The following DELE1 variants were observed in gnomAD, a reference collection of about 807,000 sequenced individuals.
DELE1 encodes death ligand signal enhancer.
Under a neutral mutation model 59.3 loss-of-function variants are expected in DELE1, and 54 were observed. That is an observed-to-expected ratio of 0.91 (90% CI 0.73 to 1.14). The LOEUF (loss-of-function observed/expected upper bound fraction) is 1.14, where lower values mean the gene tolerates loss of function less well. DELE1 is among the 50% of genes most tolerant of loss of function. The pLI, the probability that DELE1 is intolerant of heterozygous loss-of-function variation, is 0.00. For missense variants in DELE1, 636 were observed against 643.9 expected, an observed-to-expected ratio of 0.99 and a Z score of 0.13; for synonymous variants, 264 against 259.1, an observed-to-expected ratio of 1.02 and a Z score of -0.18.
chr5:141,939,049 AC>A lies in DELE1; in HGVS notation c.*292del. 1.7e-6 allele frequency: 2 copies of A among 1,168,632 alleles called. No individual in the cohort carries two copies. The highest frequency in any genetic ancestry group is 2.1e-6 in the Non-Finnish European group (2 of 945,022). 72.4% of individuals were successfully genotyped at this position (1,168,632 alleles called of 1,614,324 possible). On this transcript the variant is annotated 3_prime_UTR_variant, in exon 12 of 12. Coordinates refer to ENST00000432126, the MANE Select transcript of DELE1 (RefSeq NM_014773.5). ...GAAGGGTCCAGAGACCCTGGTGCTC[AC>A]CTTAGCCTTTGTCTTTGAGCAAATA...
rs2126903346 is a variant in DELE1 at position 141,939,009 on chromosome 5, A to G, written c.*250A>G. On this transcript the variant is annotated 3_prime_UTR_variant, in exon 12 of 12. Transcript: ENST00000432126. ...CACCAAAGGATGCATTCAGTGACCT[A>G]TGAAAAACCCTACTGAAGGGTCCAG... The G allele has an allele frequency of 2.3e-6, 3 of 1,319,108 alleles. No individual in the cohort carries two copies. The highest frequency in any genetic ancestry group is 3.5e-5 in the South Asian group (2 of 56,484). The allele number at this position is 1,319,108 out of a possible 1,614,324, so 81.7% of individuals were successfully genotyped here. A position where few individuals can be genotyped will look rare whatever the true frequency, so the allele number is the denominator to read the frequency against.
chr5:141,939,673 C>T lies in DELE1; in HGVS notation c.*914C>T. The stretch of plus-strand genomic sequence containing the variant: ...TTCCCCCAAATCTTAAGCACCTGCG[C>T]CAGTACAGTCAAGAAGAGGAAAGTG... On this transcript the variant is annotated 3_prime_UTR_variant, in exon 12 of 12. Coordinates refer to ENST00000432126, the MANE Select transcript of DELE1 (RefSeq NM_014773.5). 1.0e-6 allele frequency: 1 copy of T among 985,906 alleles called. No homozygotes were observed. The highest frequency in any genetic ancestry group is 1.2e-6 in the Non-Finnish European group (1 of 829,972). The allele number at this position is 985,906 out of a possible 1,614,324, so 61.1% of individuals were successfully genotyped here. A position where few individuals can be genotyped will look rare whatever the true frequency, so the allele number is the denominator to read the frequency against.
At position 141,941,749 on chromosome 5, in the gene DELE1, A is replaced by G. The variant is rs773318176; in HGVS notation, c.*2990A>G. 42 of 985,252 alleles carry G rather than the reference A, an allele frequency of 4.3e-5. No individual in the cohort carries two copies. The highest frequency in any genetic ancestry group is 4.9e-5 in the Non-Finnish European group (41 of 829,928). 61.0% of individuals were successfully genotyped at this position (985,252 alleles called of 1,614,324 possible). On this transcript the variant is annotated 3_prime_UTR_variant, in exon 12 of 12. Transcript: ENST00000432126. ...TGGGAACAAGGCTATTTGGTTTACT[A>G]TATCATTAGTGCTAATATAGTGTGG...
At position 141,941,610 on chromosome 5, in the gene DELE1, T is replaced by C; in HGVS notation, c.*2851T>C. On this transcript the variant is annotated 3_prime_UTR_variant, in exon 12 of 12. Transcript: ENST00000432126. ...CTCCCATCAGCAGGGCCAGCCTGGG[T>C]CAGGATGCTGGGTTAAAGCCCGGCG... The C allele has an allele frequency of 1.0e-6, 1 of 985,436 alleles. No homozygotes were observed. Among genetic ancestry groups the C allele is most frequent in the Middle Eastern group, 5.2e-4 (1 of 1,914 alleles). 61.0% of individuals were successfully genotyped at this position (985,436 alleles called of 1,614,324 possible). A position where few individuals can be genotyped will look rare whatever the true frequency, so the allele number is the denominator to read the frequency against.
rs1935660509 is a variant in DELE1, at chr5:141,923,940, A to G, written c.-2A>G. The G allele has an allele frequency of 6.2e-7, 1 of 1,607,544 alleles. No individual in the cohort carries two copies. Among genetic ancestry groups the G allele is most frequent in the Non-Finnish European group, 8.5e-7 (1 of 1,177,322 alleles). Reference sequence around the variant, plus strand: ...CGAGCTCTCTGTGGTGCTGGCAGCGACATGTGGCGCCTCCCGGGACTCCTG... The same window carrying G: ...CGAGCTCTCTGTGGTGCTGGCAGCGGCATGTGGCGCCTCCCGGGACTCCTG... On this transcript the variant is annotated 5_prime_UTR_variant, in exon 1 of 12. Coordinates refer to ENST00000432126, the MANE Select transcript of DELE1 (RefSeq NM_014773.5).
At position 141,924,068 on chromosome 5, in the gene DELE1, C is replaced by T. The variant is rs13183870; in HGVS notation, c.31+96C>T. On this transcript the variant is annotated intron_variant, in intron 1 of 11. Transcript: ENST00000432126. The stretch of plus-strand genomic sequence containing the variant: ...GGAAACAGCCGAAGCGATCGTGGGC[C>T]GGGTTAGAGCCAAGGAAGGCGGGGC... The T allele has an allele frequency of 2.1e-4, 315 of 1,489,438 alleles. 1 individual carries two copies. The highest frequency in any genetic ancestry group is 1.5e-3 in the Middle Eastern group (9 of 5,828). The allele number at this position is 1,489,438 out of a possible 1,614,324, so 92.3% of individuals were successfully genotyped here. A position where few individuals can be genotyped will look rare whatever the true frequency, so the allele number is the denominator to read the frequency against.
Position 141,925,481 on chromosome 5 carries a change from T to A in DELE1, c.218T>A (p.Met73Lys), listed in dbSNP as rs548504684. 1 of 1,604,618 alleles carries A rather than the reference T, an allele frequency of 6.2e-7. No homozygotes were observed. The highest frequency in any genetic ancestry group is 1.1e-5 in the South Asian group (1 of 89,510). ...SHGWKDAFQW[M>K]SSRVSPNTLW... ...GGATGGAAGGATGCCTTCCAATGGA[T>A]GTCTTCCCGTGTCTCCCCGAACACC... is the stretch of plus-strand genomic sequence containing the variant. Residue 73 changes from methionine (M) to lysine (K), a missense_variant, in exon 3 of 12, where the codon ATG becomes AAG. By Grantham distance (95) the Met-to-Lys change is moderately conservative. Coordinates refer to ENST00000432126, the MANE Select transcript of DELE1 (RefSeq NM_014773.5).
intron 3 of DELE1, among the ~76,000 whole-genome samples, chr5:141,926,628 C>T (rs1020351448): frequency 2.6e-5 from 4 of 152,254 alleles, no homozygotes; most frequent in African/African-American, 9.6e-5. Flanking sequence ...GGACAAATGA[C>T]TTGACCTGTG....
chr5:141,936,592 ACCTG>A lies in DELE1; in HGVS notation c.1150-602_1150-599del, dbSNP rs529375768. Among the ~76,000 whole-genome samples, 333 of 152,060 alleles carry A rather than the reference ACCTG, an allele frequency of 2.2e-3. 1 individual carries two copies. Among genetic ancestry groups the A allele is most frequent in the African/African-American group, 7.5e-3 (313 of 41,476 alleles). ...TAGGGTTACAGGTGCACACCACCACACCTGCCTAATTTTTTTTGTATTTTTAGAG... is the reference window on the plus strand; with the variant it reads ...TAGGGTTACAGGTGCACACCACCACACCTAATTTTTTTTGTATTTTTAGAG... On this transcript the variant is annotated intron_variant, in intron 10 of 11. Transcript: ENST00000432126.
chr5:141,940,980 C>G lies in DELE1; in HGVS notation c.*2221C>G. 6 of 978,792 alleles carry G rather than the reference C, an allele frequency of 6.1e-6. No homozygotes were observed. In the South Asian group the frequency reaches 2.8e-4, roughly 46 times the overall value. The allele number at this position is 978,792 out of a possible 1,614,324, so 60.6% of individuals were successfully genotyped here. On this transcript the variant is annotated 3_prime_UTR_variant, in exon 12 of 12. Transcript: ENST00000432126. ...CATATTTGAGGTTCCAAGAAGTCCT[C>G]CAGTAAAGAACTTGGTTAACCCAAT...
chr5:141,941,785 T>C lies in DELE1; in HGVS notation c.*3026T>C, dbSNP rs535565706. On this transcript the variant is annotated 3_prime_UTR_variant, in exon 12 of 12. Transcript: ENST00000432126. ...GCTAATATAGTGTGGGGCACTCAGATGTTCAGTAAATATACATTCAACAAA... is the reference window on the plus strand; with the variant it reads ...GCTAATATAGTGTGGGGCACTCAGACGTTCAGTAAATATACATTCAACAAA... The C allele has an allele frequency of 2.3e-5, 23 of 985,410 alleles. No individual in the cohort carries two copies. In the East Asian group the frequency reaches 2.6e-3, roughly 112 times the overall value. The allele number at this position is 985,410 out of a possible 1,614,324, so 61.0% of individuals were successfully genotyped here.
rs1475065959 is a variant in DELE1, at chr5:141,930,279, C to T, written c.754+5C>T. ...CCATCGCTTTCAACTTCCTGGGTAA[C>T]CAAATGGACCCTGCCCCAAGGCAGG... On this transcript the variant is annotated splice_donor_5th_base_variant and intron_variant, in intron 7 of 11. Coordinates refer to ENST00000432126, the MANE Select transcript of DELE1 (RefSeq NM_014773.5). 6 of 1,600,672 alleles carry T rather than the reference C, an allele frequency of 3.7e-6. No individual in the cohort carries two copies. The highest frequency in any genetic ancestry group is 5.1e-6 in the Non-Finnish European group (6 of 1,167,800).
chr5:141,930,362 G>C, intron 7 of DELE1, 88 bp downstream of exon 7: 1 of 923,004 alleles, frequency 1.1e-6, no homozygotes. Flanking sequence ...ATAGGGAGTG[G>C]CTTAAACGAG....
At position 141,930,223 on chromosome 5, in the gene DELE1, T is replaced by G; in HGVS notation, c.703T>G (p.Ser235Ala). 6.2e-7 allele frequency: 1 copy of G among 1,614,036 alleles called. No individual in the cohort carries two copies. Residue 235 changes from serine (S) to alanine (A), a missense_variant, in exon 7 of 12, where the codon TCC becomes GCC. Ser to Ala is a moderately conservative substitution (Grantham distance 99). Coordinates refer to ENST00000432126, the MANE Select transcript of DELE1 (RefSeq NM_014773.5). ...TCTTTCCCTTGAGGAGGCTGTGACTTCCATTCAGCAGCTCTTCCAGCTCAG... is the reference window on the plus strand; with the variant it reads ...TCTTTCCCTTGAGGAGGCTGTGACTGCCATTCAGCAGCTCTTCCAGCTCAG... ...KTLSLEEAVT[S>A]IQQLFQLSVS...
chr5:141,930,304 G>A (rs1751801466), intron 7 of DELE1, 30 bp downstream of exon 7: 1 of 1,526,832 alleles, frequency 6.5e-7, no homozygotes, highest in African/African-American at 1.4e-5. Context: ...CCCAAGGCAG[G>A]AGGGTGGGAA....
chr5:141,937,881 A>G (rs1752499543), intron 11 of DELE1, among the ~76,000 whole-genome samples: 2 of 148,694 alleles, frequency 1.3e-5, no homozygotes, highest in South Asian at 4.5e-4. Flanking sequence ...CTGGAGTGCA[A>G]TAGCGCGATC....
rs375389235 is a variant in DELE1, at chr5:141,924,756, T to G, written c.146+61T>G. On this transcript the variant is annotated intron_variant, in intron 2 of 11. Transcript: ENST00000432126. ...CTAGTCACCCTTTTTTTTTATTTTT[T>G]TTTTTTTGTTGTTTTTTGAGATGGA... is the stretch of plus-strand genomic sequence containing the variant. 4.8e-3 allele frequency: 5,570 copies of G among 1,149,646 alleles called. 239 individuals are homozygous for G. The African/African-American group carries it at 0.08, about 16-fold the overall frequency. The allele number at this position is 1,149,646 out of a possible 1,614,324, so 71.2% of individuals were successfully genotyped here.
At chr5:141,927,039 T>G (rs1268155468) in intron 3 of DELE1, among the ~76,000 whole-genome samples, 1 of 152,250 alleles carries the variant, frequency 6.6e-6, no homozygotes, top group Non-Finnish European at 1.5e-5. Flanking sequence ...ACCCCTTTTA[T>G]GCTCTGTGTA....
chr5:141,928,134 C>T lies in DELE1; in HGVS notation c.265-17C>T, dbSNP rs370255757. On this transcript the variant is annotated splice_polypyrimidine_tract_variant and intron_variant, in intron 3 of 11. Transcript: ENST00000432126. The stretch of plus-strand genomic sequence containing the variant: ...GATTGGTGAAGGACCGTGTCCTTAA[C>T]GTGCTGTCTTTCCCAGGGCACTCTG... The T allele has an allele frequency of 5.3e-5, 85 of 1,610,006 alleles. No individual in the cohort carries two copies. In the Middle Eastern group the frequency reaches 3.3e-3, roughly 63 times the overall value.
Sources: allele counts gnomAD v4.1 joint callset (sites outside exome capture counted in the v4.1 genomes callset), GRCh38; gene constraint gnomAD v4.1.1; transcripts MANE v1.5; gene names NCBI Gene and HGNC (gene_info 2026-07-23, HGNC 2026-07-21).